The following COIL variants were observed in gnomAD, a reference collection of about 807,000 sequenced individuals.
COIL encodes coilin p80.
In COIL, 28 loss-of-function variants were observed where a neutral mutation model predicts 51.6. That is an observed-to-expected ratio of 0.54 (90% CI 0.40 to 0.74). COIL has a LOEUF of 0.74. Among genes scored for constraint, COIL ranks in the 30% least tolerant of loss-of-function variants. The pLI is 0.00. For missense variants in COIL, 667 were observed against 685.9 expected, an observed-to-expected ratio of 0.97 and a Z score of 0.31; for synonymous variants, 233 against 255.8, an observed-to-expected ratio of 0.91 and a Z score of 0.85.
At chr17:56,944,940 C>T (rs1214900091) in intron 5 of COIL, among the ~76,000 whole-genome samples, 7 of 152,136 alleles carry the variant, frequency 4.6e-5, no homozygotes, top group African/African-American at 1.7e-4. Context: ...TGGTGCGAAC[C>T]TGGGAGGCAG....
chr17:56,951,015 A>G lies in COIL; in HGVS notation c.246-19T>C, dbSNP rs1368698743. On this transcript the variant is annotated intron_variant, in intron 1 of 6. Coordinates refer to ENST00000240316, the MANE Select transcript of COIL (RefSeq NM_004645.3). ...TTTAACTCTGTCAAAAGAACAAGAGAGAAAGCTAGAGTGAGCAATTTATAA... is the reference window on the plus strand; with the variant it reads ...TTTAACTCTGTCAAAAGAACAAGAGGGAAAGCTAGAGTGAGCAATTTATAA... The G allele has an allele frequency of 6.3e-7, 1 of 1,575,366 alleles. No individual in the cohort carries two copies. Among genetic ancestry groups the G allele is most frequent in the Admixed American group, 1.9e-5 (1 of 52,904 alleles).
intron 5 of COIL, among the ~76,000 whole-genome samples, chr17:56,945,328 A>G (rs1286131680): frequency 6.6e-6 from 1 of 151,786 alleles, no homozygotes; most frequent in Non-Finnish European, 1.5e-5. Flanking sequence ...ATAGAGTGAG[A>G]CTCTGTCAAA....
chr17:56,941,665 T>G (rs983144886), intron 6 of COIL, among the ~76,000 whole-genome samples: 1 of 152,218 alleles, frequency 6.6e-6, no homozygotes, highest in African/African-American at 2.4e-5. Context: ...TATGTTCTAT[T>G]TCCTGATCTG....
chr17:56,955,020 T>C (rs1910456381), intron 1 of COIL, among the ~76,000 whole-genome samples: 1 of 152,150 alleles, frequency 6.6e-6, no homozygotes, highest in Non-Finnish European at 1.5e-5. Context: ...AGAAGTGAAT[T>C]ACCTAGGTCA....
rs1237456506 is a variant in COIL, at chr17:56,949,710, G to C, written c.1411C>G (p.Pro471Ala). Reference sequence around the variant, plus strand: ...AATGCAATCTTTTCTCCAACTTGAGGGGCAGCTGCTAACAGTGGTAACAGA... The same window carrying C: ...AATGCAATCTTTTCTCCAACTTGAGCGGCAGCTGCTAACAGTGGTAACAGA... ...YSLLPLLAAA[P>A]QVGEKIAFKL... Residue 471 changes from proline (P) to alanine (A), a missense_variant, in exon 3 of 7, where the codon CCT (proline) becomes GCT (alanine). By Grantham distance (27) the Pro-to-Ala change is conservative. Transcript: ENST00000240316. The C allele has an allele frequency of 1.9e-6, 3 of 1,613,986 alleles. No individual in the cohort carries two copies. The highest frequency in any genetic ancestry group is 2.7e-5 in the African/African-American group (2 of 74,910).
chr17:56,938,758 C>T lies in COIL; in HGVS notation c.*313G>A, dbSNP rs1049260814. The T allele has an allele frequency of 3.6e-5, 7 of 192,552 alleles. No homozygotes were observed. The highest frequency in any genetic ancestry group is 1.8e-4 in the Admixed American group (3 of 16,484). The allele number at this position is 192,552 out of a possible 1,614,324, so 11.9% of individuals were successfully genotyped here. A position where few individuals can be genotyped will look rare whatever the true frequency, so the allele number is the denominator to read the frequency against. ...TCTTGGTATTATAAACTCCTACTGA[C>T]GACTGCTACTTGATGGCCAAAAACA... On this transcript the variant is annotated 3_prime_UTR_variant, in exon 7 of 7. Transcript: ENST00000240316.
chr17:56,953,169 T>G (rs1910406224), intron 1 of COIL, among the ~76,000 whole-genome samples: 2 of 151,780 alleles, frequency 1.3e-5, no homozygotes, highest in Non-Finnish European at 1.5e-5. Flanking sequence ...CCCAGCACTT[T>G]GGGAGGTCAA....
chr17:56,940,631 G>A (rs964221614), intron 6 of COIL, among the ~76,000 whole-genome samples: 6 of 152,230 alleles, frequency 3.9e-5, no homozygotes, highest in African/African-American at 1.4e-4. Flanking sequence ...TTAAAGACAA[G>A]GTAAAACACA....
At chr17:56,941,990 G>T in intron 6 of COIL, 45 bp downstream of exon 6, 1 of 1,474,824 alleles carries the variant, frequency 6.8e-7, no homozygotes. Flanking sequence ...AATTGGTCAA[G>T]AGAGAACGAA....
At chr17:56,942,005 C>T (rs756473898) in intron 6 of COIL, 30 bp downstream of exon 6, 1 of 1,566,120 alleles carries the variant, frequency 6.4e-7, no homozygotes, top group Non-Finnish European at 8.8e-7. Context: ...AACGAATGGC[C>T]AAGCAACGCA....
chr17:56,948,068 G>A (rs890284610), intron 4 of COIL, among the ~76,000 whole-genome samples: 10 of 151,014 alleles, frequency 6.6e-5, no homozygotes, highest in Non-Finnish European at 1.5e-4. Flanking sequence ...AAACACCAAC[G>A]ACCTAGAACT....
intron 4 of COIL, 36 bp downstream of exon 4, chr17:56,949,351 T>A: frequency 1.3e-6 from 2 of 1,541,624 alleles, no homozygotes; most frequent in Non-Finnish European, 1.8e-6. Flanking sequence ...GTTTTAATAA[T>A]ACACTGACAA....
At chr17:56,957,860 G>C (rs1332483403) in intron 1 of COIL, among the ~76,000 whole-genome samples, 1 of 152,124 alleles carries the variant, frequency 6.6e-6, no homozygotes, top group East Asian at 1.9e-4. Flanking sequence ...TTAGGAACTC[G>C]CTGTCAGAAA....
intron 3 of COIL, 71 bp downstream of exon 3, chr17:56,949,610 T>A: frequency 6.8e-7 from 1 of 1,476,194 alleles, no homozygotes; most frequent in Non-Finnish European, 9.5e-7. Flanking sequence ...ACATTTAACC[T>A]GATTTTCTAA....
At chr17:56,943,874 T>A (rs1203651608) in intron 5 of COIL, among the ~76,000 whole-genome samples, 1 of 152,150 alleles carries the variant, frequency 6.6e-6, no homozygotes, top group Non-Finnish European at 1.5e-5. Flanking sequence ...TTTCTTTCTT[T>A]CTTTTTTGCT....
chr17:56,949,782 T>G lies in COIL; in HGVS notation c.1354-15A>C. 6.2e-7 allele frequency: 1 copy of G among 1,612,902 alleles called. No homozygotes were observed. The highest frequency in any genetic ancestry group is 8.5e-7 in the Non-Finnish European group (1 of 1,178,880). On this transcript the variant is annotated splice_polypyrimidine_tract_variant and intron_variant, in intron 2 of 6. Transcript: ENST00000240316. ...TCTACTGGATTCTGAAAAACAGTGT[T>G]AGTCATGTGACATCATCACTGGTGA...
Position 56,960,816 on chromosome 17 carries a change from G to A in COIL, c.204C>T (p.Pro68=), listed in dbSNP as rs771844660. 2 of 1,587,658 alleles carry A rather than the reference G, an allele frequency of 1.3e-6. No homozygotes were observed. Among genetic ancestry groups the A allele is most frequent in the East Asian group, 2.3e-5 (1 of 42,892 alleles). Residue 68 remains proline (P), a synonymous_variant, in exon 1 of 7, where the codon CCC becomes CCT. Coordinates refer to ENST00000240316, the MANE Select transcript of COIL (RefSeq NM_004645.3). ...GLYLEGGLLP[P]AESARLVRDN... ...CTCTCACAAGGCGCGCGCTCTCGGC[G>A]GGGGGCAAGAGCCCCCCCTCCAGGT...
chr17:56,939,695 G>A (rs566486172), intron 6 of COIL, among the ~76,000 whole-genome samples: 47 of 152,252 alleles, frequency 3.1e-4, no homozygotes, highest in African/African-American at 9.9e-4. Flanking sequence ...AGCGGAGATC[G>A]CGCCACTGCA....
chr17:56,949,657 T>C, intron 3 of COIL, 24 bp downstream of exon 3: 1 of 1,596,828 alleles, frequency 6.3e-7, no homozygotes, highest in Non-Finnish European at 8.6e-7. Context: ...CCTTTTTTGC[T>C]GTGACTGTTC....
Sources: allele counts gnomAD v4.1 joint callset (sites outside exome capture counted in the v4.1 genomes callset), GRCh38; gene constraint gnomAD v4.1.1; transcripts MANE v1.5; gene names NCBI Gene and HGNC (gene_info 2026-07-23, HGNC 2026-07-21).